Variants in ERICH6B observed in about 807,000 individuals in gnomAD.
The protein encoded by ERICH6B is glutamate-rich protein 6B.
ERICH6B carries 69 observed loss-of-function variants against 80.0 expected under a neutral mutation model. The observed-to-expected ratio is 0.86, with a 90% confidence interval of 0.71 to 1.05. The LOEUF (loss-of-function observed/expected upper bound fraction) is 1.05. ERICH6B is among the 50% of genes least tolerant of loss of function. The pLI, the probability that ERICH6B is intolerant of heterozygous loss-of-function variation, is 0.00. For missense variants in ERICH6B, 754 were observed against 796.1 expected (o/e 0.95, Z 0.64); for synonymous variants, 283 against 291.9 (o/e 0.97, Z 0.31).
chr13:45,561,236 G>A, intron 11 of ERICH6B, 133 bp downstream of exon 11: 3 of 883,262 alleles, frequency 3.4e-6, no homozygotes, highest in Middle Eastern at 3.0e-4. Flanking sequence ...GTGTACCTCT[G>A]ATATCTTGGA....
chr13:45,574,618 C>A (rs1875303418), intron 8 of ERICH6B, among the ~76,000 whole-genome samples: 1 of 152,150 alleles, frequency 6.6e-6, no homozygotes, highest in African/African-American at 2.4e-5. Flanking sequence ...CAGGTTGCCC[C>A]ATCTACATAG....
chr13:45,555,838 T>C (rs766143397), intron 11 of ERICH6B, among the ~76,000 whole-genome samples: 1 of 151,890 alleles, frequency 6.6e-6, no homozygotes, highest in Non-Finnish European at 1.5e-5. Flanking sequence ...TCCAGATGAA[T>C]ACAGCTTTGT....
chr13:45,563,267 C>A (rs934958415), intron 10 of ERICH6B, among the ~76,000 whole-genome samples: 1 of 152,184 alleles, frequency 6.6e-6, no homozygotes. Flanking sequence ...CCCACAGTGT[C>A]CCCTTCCCAT....
At chr13:45,564,593 A>G (rs1302627296) in intron 9 of ERICH6B, among the ~76,000 whole-genome samples, 3 of 152,218 alleles carry the variant, frequency 2.0e-5, no homozygotes. Context: ...CTGCACTGTT[A>G]CCTAGCACAG....
chr13:45,597,568 G>T (rs1276872879), intron 2 of ERICH6B, among the ~76,000 whole-genome samples: 1 of 152,082 alleles, frequency 6.6e-6, no homozygotes, highest in African/African-American at 2.4e-5. Context: ...AGAAGTCTGT[G>T]GGTCATGTCC....
chr13:45,597,565 T>A (rs1413042278), intron 2 of ERICH6B, among the ~76,000 whole-genome samples: 5 of 152,152 alleles, frequency 3.3e-5, no homozygotes, highest in African/African-American at 4.8e-5. Context: ...GTCAGAAGTC[T>A]GTGGGTCATG....
intron 2 of ERICH6B, among the ~76,000 whole-genome samples, chr13:45,605,037 G>GTGC (rs550674305): frequency 2.0e-3 from 312 of 152,214 alleles, no homozygotes; most frequent in African/African-American, 7.4e-3. Flanking sequence ...TCTTCCCAGC[G>GTGC]TGCTCCCTGA....
chr13:45,578,718 G>C (rs1169153487), intron 7 of ERICH6B, among the ~76,000 whole-genome samples: 1 of 152,202 alleles, frequency 6.6e-6, no homozygotes, highest in Non-Finnish European at 1.5e-5. Context: ...CTAAAATCTA[G>C]CTACTCAAAG....
chr13:45,562,469 C>G (rs1874725328), intron 10 of ERICH6B, among the ~76,000 whole-genome samples: 1 of 152,144 alleles, frequency 6.6e-6, no homozygotes, highest in East Asian at 1.9e-4. Flanking sequence ...GAAAAACAAG[C>G]CTAGTGGCTT....
intron 10 of ERICH6B, among the ~76,000 whole-genome samples, chr13:45,563,126 T>G (rs1874760074): frequency 6.6e-6 from 1 of 152,178 alleles, no homozygotes; most frequent in African/African-American, 2.4e-5. Flanking sequence ...TTTGCAAATC[T>G]TAATAGCTGG....
chr13:45,565,253 T>A (rs1169862964), intron 9 of ERICH6B, among the ~76,000 whole-genome samples: 1 of 152,152 alleles, frequency 6.6e-6, no homozygotes, highest in East Asian at 1.9e-4. Flanking sequence ...GAAGTCAATC[T>A]CTTCCTGACT....
chr13:45,585,910 G>T (rs529842892), intron 5 of ERICH6B, among the ~76,000 whole-genome samples: 12 of 152,314 alleles, frequency 7.9e-5, no homozygotes, highest in South Asian at 2.1e-4. Flanking sequence ...GTGTGAACAG[G>T]CTCGAGTCCC....
At chr13:45,594,500 T>C (rs181468974) in intron 3 of ERICH6B, among the ~76,000 whole-genome samples, 2 of 152,208 alleles carry the variant, frequency 1.3e-5, no homozygotes, top group Admixed American at 6.5e-5. Context: ...AGAATTACAT[T>C]TGATACTTGA....
intron 2 of ERICH6B, among the ~76,000 whole-genome samples, chr13:45,604,367 A>G (rs1593328168): frequency 6.6e-6 from 1 of 152,282 alleles, no homozygotes; most frequent in Non-Finnish European, 1.5e-5. Context: ...CCAACCAGAA[A>G]GCCCCGGGGA....
intron 13 of ERICH6B, among the ~76,000 whole-genome samples, chr13:45,546,948 C>A (rs764078369): frequency 5.3e-5 from 8 of 152,158 alleles, no homozygotes; most frequent in Non-Finnish European, 8.8e-5. Flanking sequence ...CTTGGGACCC[C>A]AGCCTGTCCA....
In ERICH6B at chr13:45,550,212, C is replaced by T. The variant is rs1874162455; in HGVS notation, c.1493+19G>A. 1 of 1,548,356 alleles carries T rather than the reference C, an allele frequency of 6.5e-7. No individual in the cohort carries two copies. Among genetic ancestry groups the T allele is most frequent in the African/African-American group, 1.4e-5 (1 of 73,014 alleles). ...GCCAATATATGTCAATACGAGCATCCCTGTGCTTCTGTGGATACTGTATCT... is the reference window on the plus strand; with the variant it reads ...GCCAATATATGTCAATACGAGCATCTCTGTGCTTCTGTGGATACTGTATCT... On this transcript the variant is annotated intron_variant, in intron 12 of 14. Transcript: ENST00000298738.
Position 45,606,501 on chromosome 13 carries a change from A to ATG in ERICH6B, c.-59+1061_-59+1062dup, listed in dbSNP as rs71994482. Reference sequence around the variant, plus strand: ...TTCTTGGCTGAGATCCCAAAAGTGTATGTGTATATATATATATATATATAT... The same window carrying ATG: ...TTCTTGGCTGAGATCCCAAAAGTGTATGTGTGTATATATATATATATATATAT... On this transcript the variant is annotated intron_variant, in intron 2 of 14. Coordinates refer to ENST00000298738, the MANE Select transcript of ERICH6B (RefSeq NM_182542.3). 6.4e-3 allele frequency among the ~76,000 whole-genome samples: 301 copies of ATG among 47,092 alleles called. 6 individuals carry two copies. The highest frequency in any genetic ancestry group is 7.0e-3 in the Non-Finnish European group (205 of 29,322). 30.9% of individuals were successfully genotyped at this position (47,092 alleles called of 152,430 possible). A position where few individuals can be genotyped will look rare whatever the true frequency, so the allele number is the denominator to read the frequency against.
Position 45,549,950 on chromosome 13 carries a change from C to T in ERICH6B, c.1589G>A (p.Arg530Gln), listed in dbSNP as rs771769464. 1.9e-5 allele frequency: 30 copies of T among 1,551,530 alleles called. No homozygotes were observed. Among genetic ancestry groups the T allele is most frequent in the Middle Eastern group, 1.7e-4 (1 of 6,014 alleles). Residue 530 changes from arginine (R) to glutamine (Q), a missense_variant, in exon 13 of 15, where the codon CGG (arginine) becomes CAG (glutamine). Coordinates refer to ENST00000298738, the MANE Select transcript of ERICH6B (RefSeq NM_182542.3). Reference sequence around the variant, plus strand: ...ATTGCCTGAGTTGTTGATAAGGGCCCGGATCCTCCCTTCTAGACTGTCTTC... The same window carrying T: ...ATTGCCTGAGTTGTTGATAAGGGCCTGGATCCTCCCTTCTAGACTGTCTTC... ...ILEDSLEGRI[R>Q]ALINNSGNAT...
chr13:45,583,707 A>G (rs1472481564), intron 5 of ERICH6B, among the ~76,000 whole-genome samples: 1 of 152,096 alleles, frequency 6.6e-6, no homozygotes, highest in Non-Finnish European at 1.5e-5. Flanking sequence ...CATGGACCTG[A>G]TGGTTTTATA....
Sources: gnomAD v4.1 joint callset for allele counts (sites outside exome capture counted in the v4.1 genomes callset) on GRCh38, gnomAD v4.1.1 for gene constraint, MANE v1.5 for transcripts, NCBI Gene and HGNC (gene_info 2026-07-23, HGNC 2026-07-21) for gene names.